NIM1K: variants seen among roughly 807,000 people sequenced by gnomAD.
The protein encoded by NIM1K is NIM1 serine/threonine protein kinase, also known as serine/threonine-protein kinase NIM1.
A neutral mutation model predicts 37.1 loss-of-function variants in NIM1K; 35 were observed. The observed-to-expected ratio is 0.94, with a 90% CI of 0.72 to 1.25. The LOEUF (loss-of-function observed/expected upper bound fraction) is 1.25. Among genes scored for constraint, NIM1K ranks in the 50% most tolerant of loss-of-function variants. The pLI, the probability that NIM1K is intolerant of heterozygous loss-of-function variation, is 0.00. For missense variants in NIM1K, 564 were observed against 548.0 expected (o/e 1.03, Z -0.29); for synonymous variants, 234 against 206.6 (o/e 1.13, Z -1.14).
At chr5:43,212,171 G>A (rs1256870198) in intron 1 of NIM1K, among the ~76,000 whole-genome samples, 1 of 152,118 alleles carries the variant, frequency 6.6e-6, no homozygotes, top group Non-Finnish European at 1.5e-5. Context: ...AAATGTAAAA[G>A]GATTGGGGTG....
chr5:43,222,679 A>G (rs1413905770), intron 1 of NIM1K, among the ~76,000 whole-genome samples: 4 of 152,038 alleles, frequency 2.6e-5, no homozygotes, highest in Non-Finnish European at 5.9e-5. Context: ...GGCTGCAGTG[A>G]ACTATGATCT....
intron 2 of NIM1K, among the ~76,000 whole-genome samples, chr5:43,267,779 G>T (rs1753187477): frequency 6.6e-6 from 1 of 152,008 alleles, no homozygotes; most frequent in African/African-American, 2.4e-5. Context: ...TTTTGGAGTT[G>T]GTTTCTAGTT....
chr5:43,229,512 T>A (rs1171098540), intron 1 of NIM1K, among the ~76,000 whole-genome samples: 1 of 152,148 alleles, frequency 6.6e-6, no homozygotes, highest in East Asian at 1.9e-4. Flanking sequence ...ACTTTATATC[T>A]ACCTATCTAA....
chr5:43,205,491 G>T (rs1160359627), intron 1 of NIM1K, among the ~76,000 whole-genome samples: 1 of 152,108 alleles, frequency 6.6e-6, no homozygotes, highest in Non-Finnish European at 1.5e-5. Context: ...GATGGCTCAT[G>T]CTTACAATCT....
intron 2 of NIM1K, among the ~76,000 whole-genome samples, chr5:43,273,067 G>C (rs1198638301): frequency 1.3e-5 from 2 of 152,104 alleles, no homozygotes; most frequent in Non-Finnish European, 2.9e-5. Context: ...TCTCCCATCT[G>C]TCTACTTCTC....
chr5:43,244,376 A>G (rs958474666), intron 1 of NIM1K, among the ~76,000 whole-genome samples: 3 of 152,268 alleles, frequency 2.0e-5, no homozygotes, highest in Non-Finnish European at 2.9e-5. Context: ...GAGATGGGAC[A>G]TTTTGGAAAA....
At chr5:43,273,214 T>C (rs576353014) in intron 2 of NIM1K, among the ~76,000 whole-genome samples, 103 of 151,150 alleles carry the variant, frequency 6.8e-4, no homozygotes, top group Admixed American at 2.8e-3. Flanking sequence ...TTTTTTTTTC[T>C]TTTTTTTGAG....
intron 1 of NIM1K, among the ~76,000 whole-genome samples, chr5:43,240,993 G>A (rs1454446101): frequency 6.6e-6 from 1 of 151,976 alleles, no homozygotes; most frequent in Non-Finnish European, 1.5e-5. Flanking sequence ...AAGTAGAATT[G>A]TTGAAGCAAA....
intron 2 of NIM1K, among the ~76,000 whole-genome samples, chr5:43,249,850 G>GTTTTT (rs70994677): frequency 5.2e-5 from 6 of 116,154 alleles, no homozygotes; most frequent in Admixed American, 9.8e-5. Context: ...GTATGGATTA[G>GTTTTT]TTTTTTTTTT....
intron 1 of NIM1K, among the ~76,000 whole-genome samples, chr5:43,235,228 T>C (rs953689100): frequency 1.3e-5 from 2 of 152,224 alleles, no homozygotes; most frequent in Non-Finnish European, 2.9e-5. Flanking sequence ...AAATCACAAA[T>C]CTAAATTAAT....
At chr5:43,268,680 T>C (rs1753206737) in intron 2 of NIM1K, among the ~76,000 whole-genome samples, 1 of 152,222 alleles carries the variant, frequency 6.6e-6, no homozygotes, top group African/African-American at 2.4e-5. Context: ...CAATCATTTA[T>C]ATCCACACCT....
At chr5:43,277,702 T>A (rs186381459) in intron 3 of NIM1K, among the ~76,000 whole-genome samples, 9 of 151,738 alleles carry the variant, frequency 5.9e-5, no homozygotes, top group Admixed American at 5.9e-4. Flanking sequence ...TCATATGACA[T>A]CTCACATTCT....
chr5:43,269,776 G>A (rs777527449), intron 2 of NIM1K, among the ~76,000 whole-genome samples: 12 of 151,938 alleles, frequency 7.9e-5, no homozygotes, highest in Non-Finnish European at 1.2e-4. Context: ...CCGCCACTAC[G>A]CCTGGCTAAT....
rs1186622157 is a variant in NIM1K, at chr5:43,245,734, C to A, written c.-42C>A. The A allele has an allele frequency of 9.1e-6, 14 of 1,535,678 alleles. No individual in the cohort carries two copies. The highest frequency in any genetic ancestry group is 1.2e-5 in the Non-Finnish European group (14 of 1,137,452). On this transcript the variant is annotated 5_prime_UTR_variant, in exon 2 of 4. Coordinates refer to ENST00000326035, the MANE Select transcript of NIM1K (RefSeq NM_153361.4). ...CTGAGCCTCTTCTGCTCCTGCACAA[C>A]CTGCCTCTTCGCTGAGATGGAGACG...
chr5:43,202,512 T>C (rs1439818822), intron 1 of NIM1K, among the ~76,000 whole-genome samples: 1 of 152,142 alleles, frequency 6.6e-6, no homozygotes, highest in African/African-American at 2.4e-5. Flanking sequence ...GATTAAAAAA[T>C]CCTACAAGCC....
In NIM1K at chr5:43,221,611, AAAG is replaced by A. The variant is rs542794025; in HGVS notation, c.-694-23466_-694-23464del. Among the ~76,000 whole-genome samples the A allele has an allele frequency of 2.0e-5, 3 of 152,362 alleles. No homozygotes were observed. The South Asian group carries it at 6.2e-4, about 32-fold the overall frequency. ...GAGGCTCCAGGGCAGCTGTGTGATC[AAAG>A]AAGATTTATGAATAGAAAAAGGAAA... On this transcript the variant is annotated intron_variant, in intron 1 of 3. Transcript: ENST00000326035.
intron 1 of NIM1K, chr5:43,232,858 C>A: frequency 9.3e-7 from 1 of 1,070,100 alleles, no homozygotes; most frequent in Non-Finnish European, 1.5e-6. Flanking sequence ...GTAGTGCCTT[C>A]AGGCATAGTT....
At chr5:43,225,260 C>CAAAAAAAAAAAAA (rs10555794) in intron 1 of NIM1K, among the ~76,000 whole-genome samples, 1 of 72,710 alleles carries the variant, frequency 1.4e-5, no homozygotes, top group Non-Finnish European at 2.5e-5. Flanking sequence ...ACCCTCTTTC[C>CAAAAAAAAAAAAA]AAAAAAAAAA....
At chr5:43,253,824 A>G (rs1752903378) in intron 2 of NIM1K, among the ~76,000 whole-genome samples, 2 of 151,774 alleles carry the variant, frequency 1.3e-5, no homozygotes, top group African/African-American at 4.8e-5. Flanking sequence ...CATGCTCGGC[A>G]ATTTTTTTTT....
Sources: gnomAD v4.1 joint callset for allele counts (sites outside exome capture counted in the v4.1 genomes callset) on GRCh38, gnomAD v4.1.1 for gene constraint, MANE v1.5 for transcripts, NCBI Gene and HGNC (gene_info 2026-07-23, HGNC 2026-07-21) for gene names.